The following PCOLCE2 variants were observed in gnomAD, a reference collection of about 807,000 sequenced individuals.
PCOLCE2 encodes the protein procollagen C-endopeptidase enhancer 2, also known as procollagen C-proteinase enhancer 2.
Under a neutral mutation model 47.0 loss-of-function variants are expected in PCOLCE2, and 42 were observed. The observed-to-expected ratio is 0.89, with a 90% CI of 0.70 to 1.16. The LOEUF is 1.16. PCOLCE2 is among the 50% of genes most tolerant of loss of function. The probability of loss-of-function intolerance (pLI) is 0.00; values close to 1 mark genes in which losing one functional copy is unlikely to be tolerated. For missense variants in PCOLCE2, 500 were observed against 526.1 expected, an observed-to-expected ratio of 0.95 and a Z score of 0.49; for synonymous variants, 169 against 191.7, an observed-to-expected ratio of 0.88 and a Z score of 0.98.
chr3:142,836,482 C>T (rs1245076779), intron 5 of PCOLCE2, among the ~76,000 whole-genome samples: 1 of 152,210 alleles, frequency 6.6e-6, no homozygotes, highest in Admixed American at 6.5e-5. Flanking sequence ...CTTTGGGCTT[C>T]TTACTACTTT....
intron 2 of PCOLCE2, among the ~76,000 whole-genome samples, chr3:142,886,484 T>G (rs1933720132): frequency 6.6e-6 from 1 of 152,246 alleles, no homozygotes; most frequent in Non-Finnish European, 1.5e-5. Flanking sequence ...ACTTCTTTCC[T>G]GGCCACATGT....
chr3:142,860,889 C>A lies in PCOLCE2; in HGVS notation c.193-12417G>T, dbSNP rs1414260712. On this transcript the variant is annotated intron_variant, in intron 2 of 8. Transcript: ENST00000295992. ...CTGGACTGGTCACTCTCAAGGCCTG[C>A]AGCACAGCTGTGGGCTGGGACTTCA... Among the ~76,000 whole-genome samples, 4 of 152,206 alleles carry A rather than the reference C, an allele frequency of 2.6e-5. No individual in the cohort carries two copies. In the East Asian group the frequency reaches 7.7e-4, roughly 29 times the overall value.
At chr3:142,858,080 G>A (rs1293160827) in intron 2 of PCOLCE2, among the ~76,000 whole-genome samples, 6 of 152,066 alleles carry the variant, frequency 3.9e-5, no homozygotes, top group African/African-American at 1.2e-4. Flanking sequence ...ACACCTTCTC[G>A]AGGAACTCAT....
Position 142,843,067 on chromosome 3 carries a change from G to A in PCOLCE2, c.449-19C>T. 1.9e-6 allele frequency: 3 copies of A among 1,605,916 alleles called. No individual in the cohort carries two copies. Among genetic ancestry groups the A allele is most frequent in the East Asian group, 2.2e-5 (1 of 44,822 alleles). On this transcript the variant is annotated intron_variant, in intron 3 of 8. Coordinates refer to ENST00000295992, the MANE Select transcript of PCOLCE2 (RefSeq NM_013363.4). ...TGATCCCCTTCAAGTATTAAACAAG[G>A]AAAAAAGCCCACAAGTTTATGTAGG...
In PCOLCE2 at chr3:142,842,791, A is replaced by G. The variant is rs560030636; in HGVS notation, c.573+133T>C. On this transcript the variant is annotated intron_variant, in intron 4 of 8. Coordinates refer to ENST00000295992, the MANE Select transcript of PCOLCE2 (RefSeq NM_013363.4). This position sits in a 1 kb window ranked among gnomAD's most constrained non-coding sequence, Gnocchi z 4.1. ...TTCGCATGAAGAAATACCTGTGTCCAGGAACCTTCCTCTTCTTGTATCCCT... is the reference window on the plus strand; with the variant it reads ...TTCGCATGAAGAAATACCTGTGTCCGGGAACCTTCCTCTTCTTGTATCCCT... The G allele has an allele frequency of 4.7e-5, 39 of 835,948 alleles. No homozygotes were observed. The East Asian group carries it at 9.5e-4, about 20-fold the overall frequency. The allele number at this position is 835,948 out of a possible 1,614,324, so 51.8% of individuals were successfully genotyped here.
intron 1 of PCOLCE2, chr3:142,888,585 G>A (rs1222367935): frequency 1.7e-5 from 7 of 407,362 alleles, no homozygotes; most frequent in Non-Finnish European, 2.6e-5. Context: ...AGGGCCATCC[G>A]GCAGGCCGGG....
chr3:142,869,207 T>C (rs140412518), intron 2 of PCOLCE2, among the ~76,000 whole-genome samples: 10,519 of 151,324 alleles, frequency 0.07, 401 homozygotes, highest in African/African-American at 0.1. Flanking sequence ...AGGAGAACGG[T>C]GTGAACCCGG....
rs35783198 is a variant in PCOLCE2, at chr3:142,888,925, C to A, written c.-29G>T. 1 of 1,296,970 alleles carries A rather than the reference C, an allele frequency of 7.7e-7. No homozygotes were observed. Among genetic ancestry groups the A allele is most frequent in the Admixed American group, 3.8e-5 (1 of 26,502 alleles). The allele number at this position is 1,296,970 out of a possible 1,614,324, so 80.3% of individuals were successfully genotyped here. On this transcript the variant is annotated 5_prime_UTR_variant, in exon 1 of 9. Transcript: ENST00000295992. ...AGCGTAGACGCTCGGGGTTTGCACC[C>A]CACGGCGCGCGCGCCGGCACACACG... is the stretch of plus-strand genomic sequence containing the variant.
At chr3:142,831,574 G>A (rs1329565399) in intron 5 of PCOLCE2, among the ~76,000 whole-genome samples, 5 of 152,084 alleles carry the variant, frequency 3.3e-5, no homozygotes, top group Admixed American at 6.5e-5. Flanking sequence ...TCTGAGATTC[G>A]AGCCTTTCAC....
chr3:142,841,449 T>C (rs910584385), intron 4 of PCOLCE2, among the ~76,000 whole-genome samples: 31 of 152,332 alleles, frequency 2.0e-4, no homozygotes, highest in African/African-American at 7.0e-4. Context: ...ATAATTAAGT[T>C]GGAATTATTT....
Position 142,823,554 on chromosome 3 carries a change from G to A in PCOLCE2, c.927C>T (p.Gly309=). 1.2e-6 allele frequency: 2 copies of A among 1,607,796 alleles called. No individual in the cohort carries two copies. Among genetic ancestry groups the A allele is most frequent in the Non-Finnish European group, 1.7e-6 (2 of 1,174,714 alleles). ...TACCAAAGTCACTTGAACAATAATT[G>A]CCCTCCAGAGTCCCCGTCCGTCTAC... The part of the protein sequence containing the change: ...QKCRRTGTLE[G]NYCSSDFVLA... Residue 309 remains glycine, a synonymous_variant, in exon 7 of 9, where the codon GGC becomes GGT. Coordinates refer to ENST00000295992, the MANE Select transcript of PCOLCE2 (RefSeq NM_013363.4).
At chr3:142,861,355 T>C (rs1225701057) in intron 2 of PCOLCE2, among the ~76,000 whole-genome samples, 1 of 152,248 alleles carries the variant, frequency 6.6e-6, no homozygotes, top group Non-Finnish European at 1.5e-5. Context: ...CCAAATTCCC[T>C]GTTCTTTCTT....
At chr3:142,846,388 C>T (rs1161868037) in intron 3 of PCOLCE2, among the ~76,000 whole-genome samples, 7 of 152,128 alleles carry the variant, frequency 4.6e-5, no homozygotes, top group East Asian at 1.9e-4. Context: ...TTAGCAGAGA[C>T]GGGGTGTCAC....
intron 7 of PCOLCE2, among the ~76,000 whole-genome samples, chr3:142,822,241 C>T (rs73232724): frequency 0.034 from 5,231 of 151,996 alleles, 112 homozygotes; most frequent in Non-Finnish European, 0.05. Flanking sequence ...CCAGCCTTGT[C>T]CTTCCTAGAA....
At chr3:142,841,974 G>T (rs1404928859) in intron 4 of PCOLCE2, among the ~76,000 whole-genome samples, 1 of 152,070 alleles carries the variant, frequency 6.6e-6, no homozygotes, top group Non-Finnish European at 1.5e-5. Flanking sequence ...TCCCAGAAAG[G>T]GTAAAAAGTT....
chr3:142,855,445 G>C (rs1244149108), intron 2 of PCOLCE2, among the ~76,000 whole-genome samples: 1 of 152,146 alleles, frequency 6.6e-6, no homozygotes, highest in Non-Finnish European at 1.5e-5. Flanking sequence ...TTACGGGGAG[G>C]AAGAAATGGC....
rs770857388 is a variant in PCOLCE2, at chr3:142,818,429, T to C, written c.1154A>G (p.Asp385Gly). The change falls in exon 9 of 9, where the codon GAT becomes GGT. Residue 385 changes from aspartate to glycine, a missense_variant. By Grantham distance (94) the Asp-to-Gly change is moderately conservative. Transcript: ENST00000295992. ...GTTTGGCATGATTTTGCCTCGCCCATCTTCACCTACTTGGCCCATAATAAT... is the reference window on the plus strand; with the variant it reads ...GTTTGGCATGATTTTGCCTCGCCCACCTTCACCTACTTGGCCCATAATAAT... The part of the protein sequence containing the change: ...NYIIMGQVGE[D>G]GRGKIMPNSF... 11 of 1,612,884 alleles carry C rather than the reference T, an allele frequency of 6.8e-6. No homozygotes were observed. Among genetic ancestry groups the C allele is most frequent in the African/African-American group, 2.7e-5 (2 of 74,880 alleles).
chr3:142,858,935 G>A (rs1475565123), intron 2 of PCOLCE2, among the ~76,000 whole-genome samples: 2 of 152,116 alleles, frequency 1.3e-5, no homozygotes, highest in African/African-American at 4.8e-5. Flanking sequence ...TGGAGAAAAA[G>A]CATCCCCAGG....
intron 2 of PCOLCE2, among the ~76,000 whole-genome samples, chr3:142,880,985 T>G (rs760538107): frequency 6.6e-6 from 1 of 152,236 alleles, no homozygotes; most frequent in African/African-American, 2.4e-5. Context: ...TTACTCCAAA[T>G]TATCAACACT....
Sources: gnomAD v4.1 joint callset for allele counts (sites outside exome capture counted in the v4.1 genomes callset) on GRCh38, gnomAD v4.1.1 for gene constraint, Gnocchi (gnomAD v3.1) non-coding constraint, MANE v1.5 for transcripts, NCBI Gene and HGNC (gene_info 2026-07-23, HGNC 2026-07-21) for gene names.